The following PHLDB2 variants were observed in gnomAD, a reference collection of about 807,000 sequenced individuals.
The protein encoded by PHLDB2 is pleckstrin homology like domain family B member 2.
In PHLDB2, 71 loss-of-function variants were observed where a neutral mutation model predicts 123.6. The ratio of observed to expected loss-of-function variants is 0.57; its 90% CI spans 0.47 to 0.70. PHLDB2 has a LOEUF of 0.70. PHLDB2 is among the 30% of genes least tolerant of loss of function. The pLI is 0.00. For synonymous variants in PHLDB2, 547 were observed against 541.6 expected, an observed-to-expected ratio of 1.01 and a Z score of -0.14; for missense variants, 1,446 against 1,519.5, an observed-to-expected ratio of 0.95 and a Z score of 0.80.
chr3:111,769,846 A>C (rs2108043280), intron 1 of PHLDB2, among the ~76,000 whole-genome samples: 1 of 152,350 alleles, frequency 6.6e-6, no homozygotes, highest in South Asian at 2.1e-4. Flanking sequence ...AAATTGATGA[A>C]ACACATATGT....
chr3:111,948,828 G>C, intron 9 of PHLDB2, 104 bp from the exon 10 acceptor site: 1 of 1,007,750 alleles, frequency 9.9e-7, no homozygotes, highest in South Asian at 1.7e-5. Flanking sequence ...CAGATATCTG[G>C]CTGTGCCGCT....
chr3:111,884,502 T>A lies in PHLDB2; in HGVS notation c.425T>A (p.Leu142His). ...TGRDSERALR[L>H]SEKPPYSKYS... ...CGGGACAGTGAAAGGGCCTTGAGGC[T>A]CTCAGAGAAGCCTCCCTATTCCAAA... Residue 142 changes from leucine (L) to histidine (H), a missense_variant, in exon 2 of 18, where the codon CTC becomes CAC. Around this residue, in one of 3 missense-constraint regions of PHLDB2, gnomAD observed 832 missense variants for 831.9 expected, o/e 1.00. Transcript: ENST00000431670. The A allele has an allele frequency of 1.9e-6, 3 of 1,614,164 alleles. No individual in the cohort carries two copies. The South Asian group carries it at 3.3e-5, about 18-fold the overall frequency.
intron 1 of PHLDB2, among the ~76,000 whole-genome samples, chr3:111,820,130 A>G (rs1163144151): frequency 2.0e-5 from 3 of 151,990 alleles, no homozygotes; most frequent in Non-Finnish European, 4.4e-5. Flanking sequence ...GCCCCTAACT[A>G]CCACATGTAG....
At chr3:111,895,293 G>C (rs2066766341) in intron 2 of PHLDB2, among the ~76,000 whole-genome samples, 1 of 152,148 alleles carries the variant, frequency 6.6e-6, no homozygotes, top group African/African-American at 2.4e-5. Context: ...ATGCATTAAA[G>C]AATTTGAGAG....
chr3:111,918,830 A>G (rs565538945), intron 3 of PHLDB2, among the ~76,000 whole-genome samples: 2 of 152,214 alleles, frequency 1.3e-5, no homozygotes, highest in Non-Finnish European at 2.9e-5. Context: ...TAGCTTCAAA[A>G]GGATATGAAT....
At chr3:111,970,989 G>C (rs1172162184) in intron 16 of PHLDB2, among the ~76,000 whole-genome samples, 1 of 152,022 alleles carries the variant, frequency 6.6e-6, no homozygotes, top group African/African-American at 2.4e-5. Flanking sequence ...AGCTGGTAGG[G>C]GAATGCCTGC....
At chr3:111,763,238 T>C (rs1472524446) in intron 1 of PHLDB2, among the ~76,000 whole-genome samples, 1 of 152,238 alleles carries the variant, frequency 6.6e-6, no homozygotes, top group Non-Finnish European at 1.5e-5. Context: ...GTTTATGCTG[T>C]GTGAACAATA....
In PHLDB2 at chr3:111,821,617, A is replaced by G. The variant is rs1029864458; in HGVS notation, c.-48-24204A>G. ...AATATGGAGGTAAACTGCTTTATTT[A>G]AAGGTTGCTCATTTAAATATTAATC... On this transcript the variant is annotated intron_variant, in intron 1 of 17. Coordinates refer to the PHLDB2 transcript ENST00000393923. Among the ~76,000 whole-genome samples, 13 of 152,292 alleles carry G rather than the reference A, an allele frequency of 8.5e-5. 1 individual carries two copies. The South Asian group carries it at 1.7e-3, about 19-fold the overall frequency.
chr3:111,772,712 CA>C (rs1421778042), intron 1 of PHLDB2, among the ~76,000 whole-genome samples: 3 of 152,122 alleles, frequency 2.0e-5, no homozygotes, highest in Non-Finnish European at 4.4e-5. Context: ...AGAGAATATC[CA>C]GGGTCGTTTT....
At chr3:111,882,296 G>T (rs1202667988) in intron 1 of PHLDB2, among the ~76,000 whole-genome samples, 1 of 152,120 alleles carries the variant, frequency 6.6e-6, no homozygotes, top group African/African-American at 2.4e-5. Flanking sequence ...TGGAATTTCA[G>T]TATGGCAAGC....
At chr3:111,767,584 T>C (rs545299018) in intron 1 of PHLDB2, among the ~76,000 whole-genome samples, 1 of 152,306 alleles carries the variant, frequency 6.6e-6, no homozygotes, top group South Asian at 2.1e-4. Flanking sequence ...TATCTGAAAA[T>C]CAGGATGATA....
At chr3:111,734,210 T>G (rs887799598) in intron 1 of PHLDB2, among the ~76,000 whole-genome samples, 1 of 152,228 alleles carries the variant, frequency 6.6e-6, no homozygotes, top group Non-Finnish European at 1.5e-5. Flanking sequence ...ATCTGGCTGG[T>G]ATCCAGAGGA....
chr3:111,906,414 T>A (rs2067536376), intron 2 of PHLDB2, among the ~76,000 whole-genome samples: 1 of 152,158 alleles, frequency 6.6e-6, no homozygotes, highest in Non-Finnish European at 1.5e-5. Flanking sequence ...GTCACACAGG[T>A]AGCTGCAGAA....
chr3:111,930,103 G>A (rs995999950), intron 5 of PHLDB2, among the ~76,000 whole-genome samples: 5 of 150,996 alleles, frequency 3.3e-5, no homozygotes, highest in Non-Finnish European at 5.9e-5. Context: ...TAGTAGAGAC[G>A]GGGTTTCACC....
chr3:111,891,136 G>A (rs2066463362), intron 2 of PHLDB2, among the ~76,000 whole-genome samples: 2 of 152,098 alleles, frequency 1.3e-5, no homozygotes, highest in Non-Finnish European at 2.9e-5. Flanking sequence ...AATGGATAAG[G>A]TGTTGCTAGA....
chr3:111,893,877 CT>C (rs67860610), intron 2 of PHLDB2, among the ~76,000 whole-genome samples: 97,914 of 135,530 alleles, frequency 0.72, 35,701 homozygotes, highest in Non-Finnish European at 0.81. Context: ...AGCACTATTT[CT>C]TTTTTTTTTT....
intron 2 of PHLDB2, among the ~76,000 whole-genome samples, chr3:111,853,564 T>C (rs1350507609): frequency 6.6e-6 from 1 of 152,102 alleles, no homozygotes; most frequent in Non-Finnish European, 1.5e-5. Flanking sequence ...GGTACCTACA[T>C]TAACACACTG....
chr3:111,736,381 C>G (rs576511986), intron 1 of PHLDB2, among the ~76,000 whole-genome samples: 2 of 152,172 alleles, frequency 1.3e-5, no homozygotes, highest in African/African-American at 4.8e-5. Context: ...TCAAAACTGT[C>G]CAGTATGTCA....
intron 2 of PHLDB2, among the ~76,000 whole-genome samples, chr3:111,849,367 T>C (rs2064151236): frequency 1.3e-5 from 2 of 152,102 alleles, no homozygotes; most frequent in South Asian, 4.1e-4. Context: ...GAAGGGGTTT[T>C]GCTATGTTGT....
Sources: gnomAD v4.1 joint callset for allele counts (sites outside exome capture counted in the v4.1 genomes callset) on GRCh38, gnomAD v4.1.1 for gene constraint, gnomAD v4.1.1 regional missense constraint, MANE v1.5 for transcripts, NCBI Gene and HGNC (gene_info 2026-07-23, HGNC 2026-07-21) for gene names.